The following VWA7 variants were observed in gnomAD, a reference collection of about 807,000 sequenced individuals.
VWA7 encodes the protein von Willebrand factor A domain-containing protein 7.
A neutral mutation model predicts 83.1 loss-of-function variants in VWA7; 66 were observed. That is an observed-to-expected ratio of 0.79 (90% CI 0.65 to 0.98). The LOEUF is 0.98. VWA7 is among the 50% of genes least tolerant of loss of function. The probability of loss-of-function intolerance (pLI) is 0.00; values close to 1 mark genes in which losing one functional copy is unlikely to be tolerated. For missense variants in VWA7, 1,080 were observed against 1,160.2 expected, an observed-to-expected ratio of 0.93 and a Z score of 1.00; for synonymous variants, 424 against 488.5, an observed-to-expected ratio of 0.87 and a Z score of 1.74.
In VWA7 at chr6:31,766,264, G is replaced by A. The variant is rs1811554754; in HGVS notation, c.2305C>T (p.Leu769Phe). 1 of 1,612,486 alleles carries A rather than the reference G, an allele frequency of 6.2e-7. No homozygotes were observed. Among genetic ancestry groups the A allele is most frequent in the Non-Finnish European group, 8.5e-7 (1 of 1,179,952 alleles). ...CCTCACCTGGAGAGGTTGGAGGTGA[G>A]GGAGAAGCTGGGGTTGACGAAAGTC... ...LRTFVNPSFS[L>F]TSNLSRAHLE... The change falls in exon 15 of 17, where the codon CTC becomes TTC. Residue 769 changes from leucine (L) to phenylalanine (F), a missense_variant. Coordinates refer to ENST00000375688, the MANE Select transcript of VWA7 (RefSeq NM_025258.3). The surrounding 1 kb of genome is among the most constrained non-coding windows in gnomAD (Gnocchi z 4.9).
Position 31,775,686 on chromosome 6 carries a change from C to G in VWA7, c.514-257G>C, listed in dbSNP as rs1344611838. On this transcript the variant is annotated intron_variant, in intron 3 of 16. Coordinates refer to ENST00000375688, the MANE Select transcript of VWA7 (RefSeq NM_025258.3). The surrounding 1 kb of genome is among the most constrained non-coding windows in gnomAD (Gnocchi z 5.9). Reference sequence around the variant, plus strand: ...CAAGGCCTCTCTCGGCCTGCAGAGTCCTGCTGCGTGTGCTGCTCCCTCAGC... The same window carrying G: ...CAAGGCCTCTCTCGGCCTGCAGAGTGCTGCTGCGTGTGCTGCTCCCTCAGC... 2.6e-5 allele frequency among the ~76,000 whole-genome samples: 4 copies of G among 152,198 alleles called. No homozygotes were observed. Among genetic ancestry groups the G allele is most frequent in the African/African-American group, 9.6e-5 (4 of 41,460 alleles).
Position 31,776,756 on chromosome 6 carries a change from T to A in VWA7, c.24A>T (p.Gln8His). Residue 8 changes from glutamine (Q) to histidine (H), a missense_variant, in exon 2 of 17, where the codon CAA becomes CAT. By Grantham distance (24) the Gln-to-His change is conservative. Coordinates refer to ENST00000375688, the MANE Select transcript of VWA7 (RefSeq NM_025258.3). The surrounding 1 kb of genome is among the most constrained non-coding windows in gnomAD (Gnocchi z 6.2). ...GCAACGCTGAGGGGCCCGGGTGGGATTGGGGGACCTCCGTGGGGAGCATGG... is the reference window on the plus strand; with the variant it reads ...GCAACGCTGAGGGGCCCGGGTGGGAATGGGGGACCTCCGTGGGGAGCATGG... MLPTEVP[Q>H]SHPGPSALLL... 1 of 1,448,480 alleles carries A rather than the reference T, an allele frequency of 6.9e-7. No homozygotes were observed. The highest frequency in any genetic ancestry group is 9.1e-7 in the Non-Finnish European group (1 of 1,094,244). The allele number at this position is 1,448,480 out of a possible 1,614,324, so 89.7% of individuals were successfully genotyped here. A position where few individuals can be genotyped will look rare whatever the true frequency, so the allele number is the denominator to read the frequency against.
Position 31,776,075 on chromosome 6 carries a change from A to G in VWA7, c.402T>C (p.Gly134=). The change falls in exon 3 of 17, where the codon GGT becomes GGC. Residue 134 remains glycine (G), a synonymous_variant. Transcript: ENST00000375688. This position sits in a 1 kb window ranked among gnomAD's most constrained non-coding sequence, Gnocchi z 6.2. Reference sequence around the variant, plus strand: ...CCCCTACCAGGCGCGCGCGTCCCTGACCCAGTCGCTCAGCATCAAAGTGCA... The same window carrying G: ...CCCCTACCAGGCGCGCGCGTCCCTGGCCCAGTCGCTCAGCATCAAAGTGCA... ...PDLHFDAERL[G]QGRARLVGAL... 6.2e-7 allele frequency: 1 copy of G among 1,613,832 alleles called. No individual in the cohort carries two copies. The highest frequency in any genetic ancestry group is 1.1e-5 in the South Asian group (1 of 91,060).
chr6:31,777,319 G>C lies in VWA7; in HGVS notation c.-226C>G, dbSNP rs537475453. On this transcript the variant is annotated 5_prime_UTR_variant, in exon 1 of 17. Transcript: ENST00000375688. This position sits in a 1 kb window ranked among gnomAD's most constrained non-coding sequence, Gnocchi z 5.8. ...GGCGGGCCTCCCTTGGCTGCAGTGC[G>C]GAGGTGAGTGAGAGCTGGGGAGGAG... The C allele has an allele frequency of 1.8e-6, 1 of 558,950 alleles. No homozygotes were observed. Among genetic ancestry groups the C allele is most frequent in the Non-Finnish European group, 3.2e-6 (1 of 313,922 alleles). 34.6% of individuals were successfully genotyped at this position (558,950 alleles called of 1,614,324 possible).
Position 31,776,256 on chromosome 6 carries a change from C to T in VWA7, c.235-14G>A, listed in dbSNP as rs763615888. The T allele has an allele frequency of 3.7e-6, 6 of 1,604,956 alleles. No homozygotes were observed. Among genetic ancestry groups the T allele is most frequent in the East Asian group, 2.2e-5 (1 of 44,730 alleles). ...GAGTGTTCGACCCTGGGGAGAATAG[C>T]GGGCGACGGGGCTCCAGGGAGGCCC... On this transcript the variant is annotated splice_polypyrimidine_tract_variant and intron_variant, in intron 2 of 16. Coordinates refer to ENST00000375688, the MANE Select transcript of VWA7 (RefSeq NM_025258.3). This position sits in a 1 kb window ranked among gnomAD's most constrained non-coding sequence, Gnocchi z 6.2.
Position 31,766,351 on chromosome 6 carries a change from T to A in VWA7, c.2218A>T (p.Ser740Cys). 6.2e-7 allele frequency: 1 copy of A among 1,606,658 alleles called. No homozygotes were observed. The highest frequency in any genetic ancestry group is 8.5e-7 in the Non-Finnish European group (1 of 1,177,530). Residue 740 changes from serine to cysteine, a missense_variant, in exon 15 of 17, where the codon AGC becomes TGC. Ser to Cys is a moderately radical substitution (Grantham distance 112). Coordinates refer to ENST00000375688, the MANE Select transcript of VWA7 (RefSeq NM_025258.3). This position sits in a 1 kb window ranked among gnomAD's most constrained non-coding sequence, Gnocchi z 4.9. The part of the protein sequence containing the change: ...SGPSGFLAPG[S>C]KVPLSLRIAS... The stretch of plus-strand genomic sequence containing the variant: ...ATGCGGAGACTGAGCGGGACTTTGC[T>A]GCCCGGGGCCAAGAAACCCGAGGGG...
chr6:31,776,834 G>A lies in VWA7; in HGVS notation c.-15-40C>T, dbSNP rs991228470. On this transcript the variant is annotated intron_variant, in intron 1 of 16. Coordinates refer to ENST00000375688, the MANE Select transcript of VWA7 (RefSeq NM_025258.3). The surrounding 1 kb of genome is among the most constrained non-coding windows in gnomAD (Gnocchi z 6.2). ...GCTCTCAAGGGAGGAGGAAGCAGCCGCGATTCCAGGGCAGGCCGGCTCTGC... is the reference window on the plus strand; with the variant it reads ...GCTCTCAAGGGAGGAGGAAGCAGCCACGATTCCAGGGCAGGCCGGCTCTGC... 2.9e-5 allele frequency: 35 copies of A among 1,191,102 alleles called. No homozygotes were observed. The highest frequency in any genetic ancestry group is 7.6e-5 in the South Asian group (4 of 52,648). 73.8% of individuals were successfully genotyped at this position (1,191,102 alleles called of 1,614,324 possible). A position where few individuals can be genotyped will look rare whatever the true frequency, so the allele number is the denominator to read the frequency against.
chr6:31,765,634 A>G lies in VWA7; in HGVS notation c.2636T>C (p.Val879Ala). 1.2e-6 allele frequency: 2 copies of G among 1,610,736 alleles called. No individual in the cohort carries two copies. The highest frequency in any genetic ancestry group is 1.7e-6 in the Non-Finnish European group (2 of 1,179,160). The change falls in exon 17 of 17, where the codon GTT (valine) becomes GCT (alanine). Residue 879 changes from valine to alanine, a missense_variant. Transcript: ENST00000375688. ...LAAGSPWWGT[V>A]GGVLLLLGLA... ...GCCTAGCAGAAGCAGCACCCCTCCA[A>G]CTGTGCCCCACCAGGGGCTGCCCGC...
rs776298204 is a variant in VWA7 at position 31,776,246 on chromosome 6, G to A, written c.235-4C>T. ...CATCAGCAAGGAGTGTTCGACCCTG[G>A]GGAGAATAGCGGGCGACGGGGCTCC... On this transcript the variant is annotated splice_polypyrimidine_tract_variant and splice_region_variant and intron_variant, in intron 2 of 16. Transcript: ENST00000375688. This position sits in a 1 kb window ranked among gnomAD's most constrained non-coding sequence, Gnocchi z 6.2. The A allele has an allele frequency of 6.2e-7, 1 of 1,609,798 alleles. No homozygotes were observed. Among genetic ancestry groups the A allele is most frequent in the Non-Finnish European group, 8.5e-7 (1 of 1,177,166 alleles).
In VWA7 at chr6:31,769,923, G is replaced by A; in HGVS notation, c.1200+78C>T. ...AAGCTAGTGGATCTAGGTGCTGAAG[G>A]TGGTGGGGAGCCCCAGGAGGGATCT... On this transcript the variant is annotated intron_variant, in intron 8 of 16. Transcript: ENST00000375688. This position sits in a 1 kb window ranked among gnomAD's most constrained non-coding sequence, Gnocchi z 4.5. The A allele has an allele frequency of 1.3e-6, 2 of 1,509,746 alleles. No individual in the cohort carries two copies. The highest frequency in any genetic ancestry group is 1.8e-6 in the Non-Finnish European group (2 of 1,089,194). The allele number at this position is 1,509,746 out of a possible 1,614,324, so 93.5% of individuals were successfully genotyped here. A position where few individuals can be genotyped will look rare whatever the true frequency, so the allele number is the denominator to read the frequency against.
At chr6:31,771,020 AAAAAAAGAAAGAAAAG>A (rs1318617792) in intron 7 of VWA7, among the ~76,000 whole-genome samples, 1 of 149,668 alleles carries the variant, frequency 6.7e-6, no homozygotes, top group Non-Finnish European at 1.5e-5. Flanking sequence ...TCAAAAAAAA[AAAAAAAGAAAGAAAAG>A]AAAAAAAAAA....
intron 7 of VWA7, chr6:31,771,692 G>A (rs1332165331): frequency 1.3e-5 from 2 of 152,154 alleles, no homozygotes; most frequent in Non-Finnish European, 2.9e-5. Flanking sequence ...TATAGGAAAT[G>A]GAGAGAATTG....
At chr6:31,768,997 A>AG in intron 10 of VWA7, 21 bp downstream of exon 10, 1 of 1,596,642 alleles carries the variant, frequency 6.3e-7, no homozygotes, top group East Asian at 2.2e-5. Context: ...TTCCTAAGTG[A>AG]GGGCCCTGGC....
chr6:31,773,260 C>T lies in VWA7; in HGVS notation c.899G>A (p.Gly300Glu), dbSNP rs2151403870. The change falls in exon 6 of 17, where the codon GGA becomes GAA. Residue 300 changes from glycine (G) to glutamate (E), a missense_variant. Transcript: ENST00000375688. This position sits in a 1 kb window ranked among gnomAD's most constrained non-coding sequence, Gnocchi z 5.3. ...CACTCACCTGGAGAAATCCCTGTCT[C>T]CCAGGCGGCTTCGCAGAAGGCTGAA... Reference protein sequence around the residue: ...QAFSLLRSRLGDRDFSRLLDI... With the variant: ...QAFSLLRSRLEDRDFSRLLDI... 1.2e-6 allele frequency: 2 copies of T among 1,605,042 alleles called. No homozygotes were observed. Among genetic ancestry groups the T allele is most frequent in the Non-Finnish European group, 8.5e-7 (1 of 1,176,160 alleles).
At chr6:31,771,756 G>C (rs1812193960) in intron 7 of VWA7, 1 of 152,120 alleles carries the variant, frequency 6.6e-6, no homozygotes, top group Non-Finnish European at 1.5e-5. Flanking sequence ...ACTTTGGGAG[G>C]CCGAGGCGGG....
chr6:31,766,138 G>A lies in VWA7; in HGVS notation c.2325-81C>T, dbSNP rs547758553. 6.3e-5 allele frequency: 100 copies of A among 1,594,926 alleles called. No individual in the cohort carries two copies. Among genetic ancestry groups the A allele is most frequent in the Admixed American group, 5.0e-4 (29 of 58,252 alleles). ...GGGACGCCTGCAGGGGCACGGGAGC[G>A]GAGAGGAGGATTCTGAGGGCCAGTC... is the stretch of plus-strand genomic sequence containing the variant. On this transcript the variant is annotated intron_variant, in intron 15 of 16. Transcript: ENST00000375688. The surrounding 1 kb of genome is among the most constrained non-coding windows in gnomAD (Gnocchi z 4.9).
At chr6:31,772,630 T>G (rs1246267852) in intron 7 of VWA7, among the ~76,000 whole-genome samples, 7 of 139,502 alleles carry the variant, frequency 5.0e-5, no homozygotes, top group Non-Finnish European at 7.8e-5. Context: ...AGCTTTTTGC[T>G]CTTGTTGCCC....
intron 7 of VWA7, chr6:31,771,878 C>T (rs560064500): frequency 2.0e-5 from 3 of 150,572 alleles, no homozygotes; most frequent in South Asian, 4.2e-4. Flanking sequence ...GTAGTCCCAG[C>T]TACTCAGGAG....
chr6:31,769,266 A>G lies in VWA7; in HGVS notation c.1318-63T>C. ...AGTGCCATCCACTATTATGAATGAG[A>G]ATCCCTGTGCTCAAGCTTTCTCCAG... On this transcript the variant is annotated intron_variant, in intron 9 of 16. Coordinates refer to ENST00000375688, the MANE Select transcript of VWA7 (RefSeq NM_025258.3). This position sits in a 1 kb window ranked among gnomAD's most constrained non-coding sequence, Gnocchi z 4.5. 2 of 1,548,756 alleles carry G rather than the reference A, an allele frequency of 1.3e-6. No individual in the cohort carries two copies. The highest frequency in any genetic ancestry group is 8.7e-7 in the Non-Finnish European group (1 of 1,143,738).
Sources: allele counts gnomAD v4.1 joint callset (sites outside exome capture counted in the v4.1 genomes callset), GRCh38; gene constraint gnomAD v4.1.1; non-coding constraint Gnocchi (gnomAD v3.1); transcripts MANE v1.5; gene names NCBI Gene and HGNC (gene_info 2026-07-23, HGNC 2026-07-21).